SLC4A7: variants seen among roughly 807,000 people sequenced by gnomAD.
SLC4A7 encodes the protein sodium bicarbonate cotransporter 3.
Under a neutral mutation model 137.6 loss-of-function variants are expected in SLC4A7, and 51 were observed. The observed-to-expected ratio is 0.37, with a 90% CI of 0.30 to 0.47. The LOEUF is 0.47. Ranked by LOEUF, SLC4A7 falls within the 20% of genes least tolerant of loss-of-function variation. The pLI is 1.00. For missense variants in SLC4A7, 1,247 were observed against 1,525.4 expected (o/e 0.82, Z 3.04); for synonymous variants, 542 against 518.6 (o/e 1.05, Z -0.61).
At chr3:27,432,502 C>G (rs2056395494) in intron 6 of SLC4A7, among the ~76,000 whole-genome samples, 1 of 152,158 alleles carries the variant, frequency 6.6e-6, no homozygotes, top group Non-Finnish European at 1.5e-5. Context: ...AATTAAACCC[C>G]TCATATTTGT....
At chr3:27,377,482 T>C (rs986252780) in intron 25 of SLC4A7, among the ~76,000 whole-genome samples, 6 of 152,158 alleles carry the variant, frequency 3.9e-5, no homozygotes, top group Admixed American at 6.5e-5. Context: ...AACCTCCACC[T>C]CCCAGGTTCA....
chr3:27,403,848 C>T (rs1188775039), intron 14 of SLC4A7, among the ~76,000 whole-genome samples: 1 of 152,170 alleles, frequency 6.6e-6, no homozygotes, highest in Non-Finnish European at 1.5e-5. Flanking sequence ...CCTCTCCCAC[C>T]ATTATCACCA....
rs1033623711 is a variant in SLC4A7, at chr3:27,418,429, C to CA, written c.1659+56dup. On this transcript the variant is annotated intron_variant, in intron 11 of 25. Coordinates refer to ENST00000454389, the MANE Select transcript of SLC4A7 (RefSeq NM_001321103.2). ...TTTTGGTTTTTGAATCACACCTAAT[C>CA]AAAAAAAATTTTATTAAAATAAAGT... is the stretch of plus-strand genomic sequence containing the variant. 8.2e-5 allele frequency: 120 copies of CA among 1,461,052 alleles called. No homozygotes were observed. In the Middle Eastern group the frequency reaches 9.0e-4, roughly 11 times the overall value. 90.5% of individuals were successfully genotyped at this position (1,461,052 alleles called of 1,614,324 possible). A position where few individuals can be genotyped will look rare whatever the true frequency, so the allele number is the denominator to read the frequency against.
intron 18 of SLC4A7, among the ~76,000 whole-genome samples, chr3:27,396,120 C>T (rs951032763): frequency 2.6e-5 from 4 of 152,074 alleles, no homozygotes; most frequent in Non-Finnish European, 4.4e-5. Context: ...TGGTATTAAG[C>T]TTGTTTCTTC....
intron 1 of SLC4A7, among the ~76,000 whole-genome samples, chr3:27,470,462 T>A (rs2059191662): frequency 6.6e-6 from 1 of 151,732 alleles, no homozygotes; most frequent in Admixed American, 6.6e-5. Flanking sequence ...AATACTTGGG[T>A]GTTAACATTT....
intron 1 of SLC4A7, among the ~76,000 whole-genome samples, chr3:27,460,184 C>T (rs1002793161): frequency 3.9e-5 from 6 of 152,042 alleles, no homozygotes; most frequent in African/African-American, 1.2e-4. Context: ...TAGGCGTCCA[C>T]CACTACGCTC....
chr3:27,483,153 G>C (rs1344290985), intron 1 of SLC4A7, among the ~76,000 whole-genome samples: 3 of 152,220 alleles, frequency 2.0e-5, no homozygotes, highest in Non-Finnish European at 4.4e-5. Flanking sequence ...TCTCCTTTGA[G>C]TCACGAACTT....
At chr3:27,483,921 GA>G in intron 1 of SLC4A7, 145 bp downstream of exon 1, 1 of 375,112 alleles carries the variant, frequency 2.7e-6, no homozygotes, top group Non-Finnish European at 3.9e-6. Context: ...AGGGGATGGC[GA>G]GGCGCGCCGG....
At chr3:27,402,706 A>G (rs1246610915) in intron 15 of SLC4A7, among the ~76,000 whole-genome samples, 3 of 152,174 alleles carry the variant, frequency 2.0e-5, no homozygotes, top group Non-Finnish European at 2.9e-5. Context: ...CTCCAAAAAA[A>G]AAAAATCAAG....
intron 12 of SLC4A7, 121 bp from the exon 13 acceptor site, chr3:27,409,651 T>C: frequency 4.6e-6 from 3 of 659,262 alleles, no homozygotes; most frequent in Non-Finnish European, 7.7e-6. Flanking sequence ...AAATGTTAAA[T>C]CCAATTTAAC....
intron 22 of SLC4A7, among the ~76,000 whole-genome samples, chr3:27,388,420 A>G (rs1176972966): frequency 2.0e-5 from 3 of 152,174 alleles, no homozygotes; most frequent in Non-Finnish European, 2.9e-5. Context: ...ATAATTCAAG[A>G]GGGTACTGTA....
intron 7 of SLC4A7, among the ~76,000 whole-genome samples, chr3:27,428,745 AGCTACCCACTGAAGT>A (rs2055924955): frequency 6.6e-6 from 1 of 152,196 alleles, no homozygotes; most frequent in Non-Finnish European, 1.5e-5. Flanking sequence ...CTAATAACCA[AGCTACCCACTGAAGT>A]GCTGGATGTT....
chr3:27,446,844 T>A (rs2057673425), intron 3 of SLC4A7, among the ~76,000 whole-genome samples: 2 of 151,320 alleles, frequency 1.3e-5, no homozygotes, highest in African/African-American at 4.8e-5. Context: ...ATTTACTAGG[T>A]CATCAGTATC....
At chr3:27,408,026 T>A (rs1487449977) in intron 13 of SLC4A7, among the ~76,000 whole-genome samples, 2 of 152,244 alleles carry the variant, frequency 1.3e-5, no homozygotes, top group African/African-American at 4.8e-5. Flanking sequence ...ATATTTCTGC[T>A]TCCTCTATTT....
intron 24 of SLC4A7, among the ~76,000 whole-genome samples, chr3:27,380,197 C>G (rs2050277961): frequency 6.6e-6 from 1 of 151,704 alleles, no homozygotes; most frequent in African/African-American, 2.4e-5. Flanking sequence ...ATCCCAGCTA[C>G]TTGGGAGGCT....
chr3:27,470,982 C>A (rs147928455), intron 1 of SLC4A7, among the ~76,000 whole-genome samples: 2,175 of 152,100 alleles, frequency 0.014, 21 homozygotes, highest in Middle Eastern at 0.031. Context: ...AACAGCAAAC[C>A]CTGGAAAGAA....
At chr3:27,421,982 T>C (rs1030115310) in intron 8 of SLC4A7, among the ~76,000 whole-genome samples, 3 of 152,206 alleles carry the variant, frequency 2.0e-5, no homozygotes, top group African/African-American at 7.2e-5. Flanking sequence ...TTTGAATCAA[T>C]GCTACTGTTT....
chr3:27,473,907 A>G (rs1001095254), intron 1 of SLC4A7, among the ~76,000 whole-genome samples: 3 of 152,122 alleles, frequency 2.0e-5, no homozygotes, highest in African/African-American at 4.8e-5. Context: ...TTTACCCAAT[A>G]AAATTCATGG....
At chr3:27,446,888 TTTTTTG>T (rs1559791749) in intron 3 of SLC4A7, among the ~76,000 whole-genome samples, 6,289 of 76,190 alleles carry the variant, frequency 0.083, 340 homozygotes, top group Non-Finnish European at 0.13. Context: ...TTTTTTTGTT[TTTTTTG>T]TTTTTTTTAA....
Sources: allele counts gnomAD v4.1 joint callset (sites outside exome capture counted in the v4.1 genomes callset), GRCh38; gene constraint gnomAD v4.1.1; transcripts MANE v1.5; gene names NCBI Gene and HGNC (gene_info 2026-07-23, HGNC 2026-07-21).